The following SH3GLB1 variants were observed in gnomAD, a reference collection of about 807,000 sequenced individuals.
The protein encoded by SH3GLB1 is SH3 domain containing GRB2 like, endophilin B1, also known as endophilin-B1.
In SH3GLB1, 17 loss-of-function variants were observed where a neutral mutation model predicts 42.0. The observed-to-expected ratio is 0.40, with a 90% confidence interval of 0.28 to 0.61. SH3GLB1 has a LOEUF of 0.61. SH3GLB1 is among the 20% of genes least tolerant of loss of function. The probability of loss-of-function intolerance (pLI) is 0.36; values close to 1 mark genes in which losing one functional copy is unlikely to be tolerated. For synonymous variants in SH3GLB1, 132 were observed against 146.6 expected (o/e 0.90, Z 0.72); for missense variants, 355 against 426.3 (o/e 0.83, Z 1.47).
intron 5 of SH3GLB1, among the ~76,000 whole-genome samples, chr1:86,725,748 G>T (rs1340261814): frequency 6.6e-6 from 1 of 152,140 alleles, no homozygotes; most frequent in African/African-American, 2.4e-5. Flanking sequence ...ATTTAAAACT[G>T]ATTAACTTGG....
rs1656270991 is a variant in SH3GLB1, at chr1:86,745,768, T to A, written c.*2533T>A. The A allele has an allele frequency of 6.6e-6, 1 of 152,212 alleles. No individual in the cohort carries two copies. The allele number at this position is 152,212 out of a possible 1,614,324, so 9.4% of individuals were successfully genotyped here. On this transcript the variant is annotated 3_prime_UTR_variant, in exon 9 of 9. Coordinates refer to ENST00000370558, the MANE Select transcript of SH3GLB1 (RefSeq NM_016009.5). ...AAGTCAAGTTTAGTTTTTACTCAGG[T>A]AAAGGCCTGAAGTTTCTTGGGCGTG...
intron 4 of SH3GLB1, 108 bp from the exon 5 acceptor site, chr1:86,724,205 T>C (rs1655028402): frequency 4.1e-6 from 3 of 723,694 alleles, no homozygotes; most frequent in Non-Finnish European, 6.3e-6. Flanking sequence ...GTCATAGATC[T>C]TTATCAAGTG....
intron 1 of SH3GLB1, among the ~76,000 whole-genome samples, chr1:86,712,585 A>G (rs368020610): frequency 3.9e-5 from 6 of 152,202 alleles, no homozygotes; most frequent in African/African-American, 1.4e-4. Context: ...GAATTTTTGA[A>G]CATACACTAA....
At chr1:86,731,545 G>C (rs1011202532) in intron 5 of SH3GLB1, among the ~76,000 whole-genome samples, 2 of 152,138 alleles carry the variant, frequency 1.3e-5, no homozygotes, top group Admixed American at 6.5e-5. Flanking sequence ...CAACACAGAA[G>C]AGAATACAGG....
chr1:86,743,329 T>C lies in SH3GLB1; in HGVS notation c.*94T>C. The C allele has an allele frequency of 2.7e-6, 2 of 745,162 alleles. No individual in the cohort carries two copies. The highest frequency in any genetic ancestry group is 2.0e-6 in the Non-Finnish European group (1 of 493,092). 46.2% of individuals were successfully genotyped at this position (745,162 alleles called of 1,614,324 possible). ...AGGTTAAGTATCTTCCATGTTAATG[T>C]GTTAAGAGACTGAAAATACCAGCCA... On this transcript the variant is annotated 3_prime_UTR_variant, in exon 9 of 9. Transcript: ENST00000370558.
At chr1:86,716,805 T>C (rs984748214) in intron 2 of SH3GLB1, among the ~76,000 whole-genome samples, 3 of 152,224 alleles carry the variant, frequency 2.0e-5, no homozygotes, top group Admixed American at 2.0e-4. Flanking sequence ...ACTGTGAGCT[T>C]TGCATATCAA....
At chr1:86,740,866 G>A (rs1429965635) in intron 7 of SH3GLB1, among the ~76,000 whole-genome samples, 1 of 152,090 alleles carries the variant, frequency 6.6e-6, no homozygotes, top group Non-Finnish European at 1.5e-5. Context: ...TGAAAGTAAG[G>A]GAATGAGGCA....
At chr1:86,714,383 G>C (rs1197570306) in intron 1 of SH3GLB1, among the ~76,000 whole-genome samples, 1 of 152,178 alleles carries the variant, frequency 6.6e-6, no homozygotes, top group Admixed American at 6.5e-5. Flanking sequence ...AAGTTTATGG[G>C]CTTAGGCAAT....
At chr1:86,727,135 G>A (rs1001334758) in intron 5 of SH3GLB1, among the ~76,000 whole-genome samples, 1 of 151,930 alleles carries the variant, frequency 6.6e-6, no homozygotes, top group African/African-American at 2.4e-5. Flanking sequence ...GATAAATGAT[G>A]TAAAATCTCT....
intron 7 of SH3GLB1, among the ~76,000 whole-genome samples, chr1:86,741,725 C>T (rs1378975332): frequency 6.6e-6 from 1 of 151,790 alleles, no homozygotes; most frequent in Non-Finnish European, 1.5e-5. Flanking sequence ...ATGTAAATGA[C>T]AATAAATATT....
intron 1 of SH3GLB1, among the ~76,000 whole-genome samples, chr1:86,706,502 G>A (rs1452746348): frequency 6.6e-6 from 1 of 152,114 alleles, no homozygotes; most frequent in Non-Finnish European, 1.5e-5. Context: ...AGCCTTTATA[G>A]TTAAAATAAT....
intron 7 of SH3GLB1, chr1:86,738,810 T>G (rs567277481): frequency 1.3e-5 from 2 of 152,162 alleles, no homozygotes; most frequent in South Asian, 2.1e-4. Flanking sequence ...GCCCAGCTAA[T>G]TTTTTGCATT....
At chr1:86,738,012 C>T (rs1459605691) in intron 7 of SH3GLB1, among the ~76,000 whole-genome samples, 2 of 152,164 alleles carry the variant, frequency 1.3e-5, no homozygotes, top group African/African-American at 2.4e-5. Context: ...AGAGATGAGG[C>T]GCCTTTGGAA....
chr1:86,718,965 T>G (rs1654709626), intron 2 of SH3GLB1, among the ~76,000 whole-genome samples: 2 of 152,234 alleles, frequency 1.3e-5, no homozygotes, highest in African/African-American at 4.8e-5. Flanking sequence ...GATCTGTCTG[T>G]AGACTATTCC....
Position 86,742,331 on chromosome 1 carries a change from T to C in SH3GLB1, c.885T>C (p.Pro295=). The C allele has an allele frequency of 6.2e-7, 1 of 1,614,144 alleles. No homozygotes were observed. Among genetic ancestry groups the C allele is most frequent in the Non-Finnish European group, 8.5e-7 (1 of 1,180,012 alleles). Residue 295 remains proline (P), a synonymous_variant, in exon 8 of 9, where the codon CCT becomes CCC. Transcript: ENST00000370558. ...CAAGTGGCCTAGTAATCACCTCTCC[T>C]TCCAACCTCAGTGACCTTAAGGAGT... ...ASTSGLVITS[P]SNLSDLKECS...
At chr1:86,706,873 C>A (rs905448813) in intron 1 of SH3GLB1, among the ~76,000 whole-genome samples, 1 of 152,208 alleles carries the variant, frequency 6.6e-6, no homozygotes, top group Non-Finnish European at 1.5e-5. Context: ...AAAATGTGTA[C>A]TTCCCAAAGA....
At position 86,747,606 on chromosome 1, in the gene SH3GLB1, T is replaced by G. The variant is rs1024867361; in HGVS notation, c.*4371T>G. ...TGGGAAGTATTGCTTAGAATGCCAG[T>G]ACTTGTTTGCTGTGGAAGGTTTCTA... On this transcript the variant is annotated 3_prime_UTR_variant, in exon 9 of 9. Coordinates refer to ENST00000370558, the MANE Select transcript of SH3GLB1 (RefSeq NM_016009.5). 2 of 152,228 alleles carry G rather than the reference T, an allele frequency of 1.3e-5. No homozygotes were observed. Among genetic ancestry groups the G allele is most frequent in the African/African-American group, 4.8e-5 (2 of 41,456 alleles). The allele number at this position is 152,228 out of a possible 1,614,324, so 9.4% of individuals were successfully genotyped here.
chr1:86,705,006 G>T, intron 1 of SH3GLB1, 35 bp downstream of exon 1: 2 of 1,457,892 alleles, frequency 1.4e-6, no homozygotes, highest in Non-Finnish European at 1.9e-6. Context: ...GGGTGGCGGC[G>T]CCCGGGAAGG....
intron 4 of SH3GLB1, among the ~76,000 whole-genome samples, chr1:86,723,894 A>G (rs982964528): frequency 5.3e-5 from 8 of 152,190 alleles, no homozygotes; most frequent in Admixed American, 3.3e-4. Context: ...TTTGGGCTGC[A>G]CAATTCCTTG....
Sources: gnomAD v4.1 joint callset for allele counts (sites outside exome capture counted in the v4.1 genomes callset) on GRCh38, gnomAD v4.1.1 for gene constraint, MANE v1.5 for transcripts, NCBI Gene and HGNC (gene_info 2026-07-23, HGNC 2026-07-21) for gene names.